GSS: variants seen among roughly 807,000 people sequenced by gnomAD.
GSS encodes the protein glutathione synthetase.
A neutral mutation model predicts 60.4 loss-of-function variants in GSS; 34 were observed. The observed-to-expected ratio is 0.56, with a 90% CI of 0.43 to 0.75. GSS has a LOEUF of 0.75. Ranked by LOEUF, GSS falls within the 30% of genes least tolerant of loss-of-function variation. The probability of loss-of-function intolerance (pLI) is 0.00; values close to 1 mark genes in which losing one functional copy is unlikely to be tolerated. For synonymous variants in GSS, 224 were observed against 239.0 expected, an observed-to-expected ratio of 0.94 and a Z score of 0.58; for missense variants, 499 against 595.1, an observed-to-expected ratio of 0.84 and a Z score of 1.68.
chr20:34,932,863 G>C (rs2081413039), intron 9 of GSS, among the ~76,000 whole-genome samples: 1 of 148,780 alleles, frequency 6.7e-6, no homozygotes, highest in South Asian at 2.1e-4. Flanking sequence ...TTTTTCTTTT[G>C]AGACGTGGGT....
intron 12 of GSS, 182 bp downstream of exon 12, chr20:34,929,219 C>T (rs541508290): frequency 3.5e-5 from 25 of 712,320 alleles, no homozygotes; most frequent in Non-Finnish European, 5.9e-5. Context: ...GTAAGGTGGG[C>T]AGGTCTTGGG....
intron 2 of GSS, among the ~76,000 whole-genome samples, chr20:34,947,476 C>T (rs1398238918): frequency 1.3e-5 from 2 of 152,182 alleles, no homozygotes; most frequent in African/African-American, 4.8e-5. Context: ...AAGTATGTCT[C>T]ACTCTCATTC....
In GSS at chr20:34,946,074, G is replaced by T. The variant is rs767650551; in HGVS notation, c.154C>A (p.Leu52Ile). The T allele has an allele frequency of 6.2e-7, 1 of 1,613,522 alleles. No homozygotes were observed. The highest frequency in any genetic ancestry group is 1.3e-5 in the African/African-American group (1 of 74,944). The change falls in exon 3 of 13, where the codon CTC (leucine) becomes ATC (isoleucine). Residue 52 changes from leucine to isoleucine, a missense_variant. By Grantham distance (5) the Leu-to-Ile change is conservative. Coordinates refer to ENST00000651619, the MANE Select transcript of GSS (RefSeq NM_000178.4). ...SEVVSYAPFT[L>I]FPSLVPSALL... ...GCACTGGGGACCAGTGAGGGGAAGA[G>T]CGTGAATGGGGCATAGCTCACCACC...
In GSS at chr20:34,928,721, AC is replaced by A. The variant is rs1282226935; in HGVS notation, c.*106del. On this transcript the variant is annotated 3_prime_UTR_variant, in exon 13 of 13. Transcript: ENST00000651619. The stretch of plus-strand genomic sequence containing the variant: ...AAGCTGGGGGAAGGTACCAGTATTT[AC>A]CCTTCCATAAAAACTTTGGAGGTCT... 1.8e-5 allele frequency: 22 copies of A among 1,253,492 alleles called. No individual in the cohort carries two copies. The highest frequency in any genetic ancestry group is 2.4e-5 in the Non-Finnish European group (21 of 866,056). 77.6% of individuals were successfully genotyped at this position (1,253,492 alleles called of 1,614,324 possible).
intron 6 of GSS, among the ~76,000 whole-genome samples, chr20:34,937,305 A>C (rs1329105358): frequency 6.6e-6 from 1 of 152,248 alleles, no homozygotes; most frequent in Non-Finnish European, 1.5e-5. Flanking sequence ...TCATGGGTTG[A>C]TGAATTTCTG....
intron 9 of GSS, among the ~76,000 whole-genome samples, chr20:34,934,910 G>A (rs187572778): frequency 1.3e-5 from 2 of 152,296 alleles, no homozygotes; most frequent in Non-Finnish European, 2.9e-5. Context: ...TCATCTCCCA[G>A]CTGAGAGCAG....
intron 6 of GSS, among the ~76,000 whole-genome samples, chr20:34,937,990 T>C (rs1569012259): frequency 6.6e-6 from 1 of 152,180 alleles, no homozygotes; most frequent in Admixed American, 6.6e-5. Context: ...CCCGGGTAGC[T>C]GGGATTTCAG....
At chr20:34,936,706 G>A in intron 8 of GSS, 57 bp downstream of exon 8, 3 of 1,127,700 alleles carry the variant, frequency 2.7e-6, no homozygotes, top group Non-Finnish European at 4.1e-6. Context: ...TTGGGGAAGA[G>A]GGTGGCAGGA....
chr20:34,943,157 G>C (rs2081497816), intron 3 of GSS, 151 bp from the exon 4 acceptor site: 1 of 707,896 alleles, frequency 1.4e-6, no homozygotes, highest in South Asian at 1.5e-5. Flanking sequence ...CAGTGGCTAA[G>C]AATCCAACTC....
Position 34,942,985 on chromosome 20 carries a change from A to G in GSS, c.297T>C (p.Phe99=). ...TGTGGATGTCAAAGAGACGAGCGGT[A>G]AAGTCATCCTGTTTGATGGTGCTGG... ...TLSSTIKQDD[F]TARLFDIHKQ... Residue 99 remains phenylalanine (F), a synonymous_variant, in exon 4 of 13, where the codon TTT becomes TTC. Transcript: ENST00000651619. The G allele has an allele frequency of 6.2e-7, 1 of 1,611,812 alleles. No homozygotes were observed.
chr20:34,941,078 C>T (rs1297192163), intron 6 of GSS, among the ~76,000 whole-genome samples: 2 of 152,050 alleles, frequency 1.3e-5, no homozygotes, highest in African/African-American at 4.8e-5. Flanking sequence ...AATGAGAGGC[C>T]GGGTGCAGTG....
chr20:34,940,595 A>G (rs976845888), intron 6 of GSS, among the ~76,000 whole-genome samples: 4 of 152,182 alleles, frequency 2.6e-5, no homozygotes, highest in Non-Finnish European at 5.9e-5. Context: ...CATCTGTAAA[A>G]TGAGGGAGTT....
At chr20:34,941,582 T>C in intron 6 of GSS, 131 bp downstream of exon 6, 1 of 701,398 alleles carries the variant, frequency 1.4e-6, no homozygotes. Flanking sequence ...TTTTGGCATG[T>C]AAAGGTATAA....
At chr20:34,930,320 G>C (rs1206653332) in intron 11 of GSS, among the ~76,000 whole-genome samples, 1 of 151,334 alleles carries the variant, frequency 6.6e-6, no homozygotes, top group Non-Finnish European at 1.5e-5. Flanking sequence ...TCCCTGCTTA[G>C]ACATCATATG....
intron 12 of GSS, 90 bp downstream of exon 12, chr20:34,929,311 G>A: frequency 9.1e-7 from 1 of 1,098,210 alleles, no homozygotes. Flanking sequence ...CAGGATTCCT[G>A]ACTCTTTCCA....
At chr20:34,934,714 T>G (rs1435052420) in intron 9 of GSS, among the ~76,000 whole-genome samples, 2 of 152,106 alleles carry the variant, frequency 1.3e-5, no homozygotes, top group Non-Finnish European at 2.9e-5. Flanking sequence ...AGCTCAACCC[T>G]CGGGGGGAGT....
At position 34,942,888 on chromosome 20, in the gene GSS, G is replaced by GGAGGGA. The variant is rs781370218; in HGVS notation, c.351+37_351+42dup. ...GCAAAACAGAAAACAAACAGAGATG[G>GGAGGGA]GAGGGACAGGTTACAGACTGGAGTA... On this transcript the variant is annotated intron_variant, in intron 4 of 12. Transcript: ENST00000651619. 36 of 1,342,382 alleles carry GGAGGGA rather than the reference G, an allele frequency of 2.7e-5. No individual in the cohort carries two copies. In the South Asian group the frequency reaches 3.9e-4, roughly 14 times the overall value. 83.2% of individuals were successfully genotyped at this position (1,342,382 alleles called of 1,614,324 possible).
At chr20:34,951,941 C>CA in intron 1 of GSS, 81 bp from the exon 2 acceptor site, 1 of 1,454,678 alleles carries the variant, frequency 6.9e-7, no homozygotes, top group Non-Finnish European at 9.5e-7. Flanking sequence ...CGGCCACCCC[C>CA]AACACAGCAG....
At chr20:34,936,265 C>T (rs886160269) in intron 8 of GSS, among the ~76,000 whole-genome samples, 13 of 152,200 alleles carry the variant, frequency 8.5e-5, no homozygotes, top group Admixed American at 7.9e-4. Flanking sequence ...TTAATTTTAA[C>T]AATCACAAAG....
Sources: allele counts gnomAD v4.1 joint callset (sites outside exome capture counted in the v4.1 genomes callset), GRCh38; gene constraint gnomAD v4.1.1; transcripts MANE v1.5; gene names NCBI Gene and HGNC (gene_info 2026-07-23, HGNC 2026-07-21).